The following FSD1L variants were observed in gnomAD, a reference collection of about 807,000 sequenced individuals.
The protein encoded by FSD1L is fibronectin type III and SPRY domain containing 1 like.
FSD1L carries 45 observed loss-of-function variants against 71.6 expected under a neutral mutation model. The observed-to-expected ratio is 0.63, with a 90% CI of 0.49 to 0.81. The LOEUF is 0.81. FSD1L is among the 30% of genes least tolerant of loss of function. FSD1L has a pLI of 0.00. For missense variants in FSD1L, 561 were observed against 618.1 expected (o/e 0.91, Z 0.98); for synonymous variants, 197 against 207.2 (o/e 0.95, Z 0.42).
chr9:105,447,880 G>A (rs1318808970), upstream of FSD1L: 2 of 430,072 alleles, frequency 4.7e-6, no homozygotes, highest in Admixed American at 4.6e-5. Flanking sequence ...ATCGCTGGAG[G>A]AAAAAGGATG....
At chr9:105,452,711 CTTCCTTCT>C (rs1181407677) in intron 1 of FSD1L, among the ~76,000 whole-genome samples, 2 of 149,038 alleles carry the variant, frequency 1.3e-5, no homozygotes, top group African/African-American at 4.9e-5. Flanking sequence ...TCCTTCCTTC[CTTCCTTCT>C]TTCCTTCTTT....
chr9:105,527,560 T>C lies in FSD1L; in HGVS notation c.1026-6933T>C, dbSNP rs977094337. 8.6e-3 allele frequency among the ~76,000 whole-genome samples: 1,312 copies of C among 152,122 alleles called. 19 individuals are homozygous for C. The highest frequency in any genetic ancestry group is 0.03 in the African/African-American group (1,256 of 41,410). The stretch of plus-strand genomic sequence containing the variant: ...CATCTCCTGAGGAAATGTAGCATGA[T>C]ATTGGTACTAACTGCATGTGTAAAT... On this transcript the variant is annotated intron_variant, in intron 10 of 13. Transcript: ENST00000481272.
At chr9:105,454,094 TAAATAAAGTGA>T (rs1418749202) in intron 1 of FSD1L, among the ~76,000 whole-genome samples, 2 of 152,156 alleles carry the variant, frequency 1.3e-5, no homozygotes, top group African/African-American at 4.8e-5. Context: ...AATAAGAATA[TAAATAAAGTGA>T]AAATAAAATA....
intron 1 of FSD1L, 22 bp downstream of exon 1, chr9:105,448,257 G>A (rs750840046): frequency 2.0e-5 from 31 of 1,531,090 alleles, no homozygotes; most frequent in Non-Finnish European, 2.5e-5. Context: ...AGGGGAGCCC[G>A]GGGCTACCGA....
chr9:105,477,295 C>A (rs928827870), intron 5 of FSD1L, among the ~76,000 whole-genome samples: 4 of 151,996 alleles, frequency 2.6e-5, no homozygotes, highest in African/African-American at 9.7e-5. Context: ...TGATAAGAGG[C>A]CAAATAATGA....
intron 13 of FSD1L, among the ~76,000 whole-genome samples, chr9:105,541,678 G>A (rs1836625742): frequency 1.3e-5 from 2 of 152,022 alleles, no homozygotes; most frequent in Non-Finnish European, 2.9e-5. Context: ...TTTATAGTAT[G>A]GTGCAGTTCT....
chr9:105,533,414 A>ATTTTTTTTT (rs1271918066), intron 10 of FSD1L, among the ~76,000 whole-genome samples: 17 of 13,368 alleles, frequency 1.3e-3, no homozygotes, highest in African/African-American at 1.7e-3. Context: ...TGCCATTTCC[A>ATTTTTTTTT]TCTTTTTTTT....
chr9:105,522,280 A>T, intron 10 of FSD1L: 1 of 1,613,834 alleles, frequency 6.2e-7, no homozygotes, highest in Non-Finnish European at 8.5e-7. Context: ...TTAGCTAGGA[A>T]TTTATATAGT....
chr9:105,473,191 C>T (rs1831584619), intron 5 of FSD1L: 1 of 152,114 alleles, frequency 6.6e-6, no homozygotes, highest in Non-Finnish European at 1.5e-5. Flanking sequence ...CCTGTAGTCC[C>T]AGCTACTCGA....
intron 3 of FSD1L, among the ~76,000 whole-genome samples, chr9:105,467,275 A>G (rs1360526050): frequency 6.6e-6 from 1 of 152,198 alleles, no homozygotes; most frequent in Non-Finnish European, 1.5e-5. Flanking sequence ...GACATATAAT[A>G]TTACAGTAGA....
In FSD1L at chr9:105,550,346, T is replaced by C. The variant is rs780990502; in HGVS notation, c.*3863T>C. ...TCTTTGATTATGTAGTTACTCTAGA[T>C]ACATTCTTTTAGGGAAGTGTATGGT... is the stretch of plus-strand genomic sequence containing the variant. On this transcript the variant is annotated 3_prime_UTR_variant, in exon 14 of 14. Coordinates refer to ENST00000481272, the MANE Select transcript of FSD1L (RefSeq NM_001145313.3). 3.3e-5 allele frequency: 5 copies of C among 152,078 alleles called. No individual in the cohort carries two copies. Among genetic ancestry groups the C allele is most frequent in the African/African-American group, 4.8e-5 (2 of 41,456 alleles). 9.4% of individuals were successfully genotyped at this position (152,078 alleles called of 1,614,324 possible).
chr9:105,468,408 T>A, intron 4 of FSD1L, 84 bp downstream of exon 4: 1 of 1,028,904 alleles, frequency 9.7e-7, no homozygotes, highest in South Asian at 1.9e-5. Flanking sequence ...AATGAATTTC[T>A]AAGTATAACT....
intron 7 of FSD1L, among the ~76,000 whole-genome samples, chr9:105,492,471 T>C (rs1833019460): frequency 6.6e-6 from 1 of 152,190 alleles, no homozygotes; most frequent in Non-Finnish European, 1.5e-5. Flanking sequence ...ATTAATTTTT[T>C]GAAGGGTTTT....
At chr9:105,537,182 A>G (rs1836323607) in intron 12 of FSD1L, among the ~76,000 whole-genome samples, 1 of 152,240 alleles carries the variant, frequency 6.6e-6, no homozygotes, top group Non-Finnish European at 1.5e-5. Flanking sequence ...ATATTGAACT[A>G]AAGTAATTCC....
chr9:105,520,447 A>G (rs1835072469), intron 10 of FSD1L: 2 of 1,060,026 alleles, frequency 1.9e-6, no homozygotes, highest in Non-Finnish European at 2.9e-6. Flanking sequence ...TTTTGTGACT[A>G]TCGAAGCTAG....
At chr9:105,533,053 G>C (rs1421926711) in intron 10 of FSD1L, among the ~76,000 whole-genome samples, 1 of 152,054 alleles carries the variant, frequency 6.6e-6, no homozygotes, top group Non-Finnish European at 1.5e-5. Context: ...CTACTCAGTT[G>C]ATCTTTTCTT....
rs545252809 is a variant in FSD1L, at chr9:105,491,556, A to C, written c.586+7054A>C. Among the ~76,000 whole-genome samples the C allele has an allele frequency of 5.4e-3, 827 of 152,172 alleles. 9 individuals carry two copies. Among genetic ancestry groups the C allele is most frequent in the African/African-American group, 0.019 (801 of 41,498 alleles). On this transcript the variant is annotated intron_variant, in intron 7 of 13. Transcript: ENST00000481272. ...CTATGTTGAATAGGAGTGGTGAGAG[A>C]GGGCATCCCTGTCTTGTGCCAGTTT...
chr9:105,519,336 G>T (rs1299721870), intron 10 of FSD1L, among the ~76,000 whole-genome samples: 1 of 151,974 alleles, frequency 6.6e-6, no homozygotes, highest in Non-Finnish European at 1.5e-5. Context: ...CCAAAACCTG[G>T]CAGAGACACA....
chr9:105,487,081 A>C (rs1237430645), intron 7 of FSD1L, among the ~76,000 whole-genome samples: 1 of 152,184 alleles, frequency 6.6e-6, no homozygotes, highest in East Asian at 1.9e-4. Flanking sequence ...ATACATTGTT[A>C]TATAATTTTG....
Sources: gnomAD v4.1 joint callset for allele counts (sites outside exome capture counted in the v4.1 genomes callset) on GRCh38, gnomAD v4.1.1 for gene constraint, MANE v1.5 for transcripts, NCBI Gene and HGNC (gene_info 2026-07-23, HGNC 2026-07-21) for gene names.